CADM2: variants seen among roughly 807,000 people sequenced by gnomAD.
CADM2 encodes the protein immunoglobulin superfamily member 4D.
A neutral mutation model predicts 49.8 loss-of-function variants in CADM2; 12 were observed. The observed-to-expected ratio is 0.24, with a 90% CI of 0.15 to 0.39. The LOEUF (loss-of-function observed/expected upper bound fraction) is 0.39. Ranked by LOEUF, CADM2 falls within the 10% of genes least tolerant of loss-of-function variation. CADM2 has a pLI of 1.00. For missense variants in CADM2, 378 were observed against 492.3 expected (o/e 0.77, Z 2.20); for synonymous variants, 214 against 175.4 (o/e 1.22, Z -1.74).
rs779364419 is a variant in CADM2 at position 86,066,705 on chromosome 3, A to G, written c.1137A>G (p.Ala379=). The G allele has an allele frequency of 6.2e-7, 1 of 1,614,066 alleles. No homozygotes were observed. Among genetic ancestry groups the G allele is most frequent in the South Asian group, 1.1e-5 (1 of 91,084 alleles). ...ATGAAGCTAAAGGAGCTGAAGATGC[A>G]CCAGATGCTGATACAGCCATTATCA... The part of the protein sequence containing the change: ...LTNEAKGAED[A]PDADTAIINA... The change falls in exon 10 of 10, where the codon GCA becomes GCG. Residue 379 remains alanine, a synonymous_variant. Coordinates refer to ENST00000383699, the MANE Select transcript of CADM2 (RefSeq NM_001167675.2).
chr3:85,615,117 T>C, intron 1 of CADM2, among the ~76,000 whole-genome samples: 1 of 152,070 alleles, frequency 6.6e-6, no homozygotes, highest in Middle Eastern at 3.4e-3. Context: ...TCATACTCTT[T>C]ATTTATTTAT....
chr3:85,775,580 T>G (rs925245530), intron 2 of CADM2, among the ~76,000 whole-genome samples: 6 of 151,864 alleles, frequency 4.0e-5, no homozygotes, highest in African/African-American at 1.4e-4. Flanking sequence ...TAAACTGCTT[T>G]TTAAAAATTT....
At chr3:85,176,669 A>C (rs1379345173) in intron 1 of CADM2, among the ~76,000 whole-genome samples, 2 of 152,184 alleles carry the variant, frequency 1.3e-5, no homozygotes, top group Non-Finnish European at 2.9e-5. Context: ...TTACCCATCC[A>C]TAAAGAGAGA....
intron 1 of CADM2, among the ~76,000 whole-genome samples, chr3:85,129,459 A>G: frequency 6.6e-6 from 1 of 152,148 alleles, no homozygotes; most frequent in East Asian, 1.9e-4. Flanking sequence ...TCTTTCCTGT[A>G]ATTGACTAAA....
intron 6 of CADM2, among the ~76,000 whole-genome samples, 153 bp from the exon 7 acceptor site, chr3:85,935,614 A>G (rs1721112905): frequency 6.6e-6 from 1 of 152,092 alleles, no homozygotes; most frequent in African/African-American, 2.4e-5. Flanking sequence ...TAAATCACAC[A>G]CCTTATTTTA....
rs1399801836 is a variant in CADM2 at position 85,912,525 on chromosome 3, C to A, written c.682C>A (p.Gln228Lys). 1.9e-6 allele frequency: 3 copies of A among 1,613,460 alleles called. No individual in the cohort carries two copies. The highest frequency in any genetic ancestry group is 3.3e-5 in the Admixed American group (2 of 59,914). Residue 228 changes from glutamine (Q) to lysine (K), a missense_variant, in exon 6 of 10, where the codon CAG (glutamine) becomes AAG (lysine). Physicochemically the swap from Gln to Lys is moderately conservative, Grantham distance 53. Transcript: ENST00000383699. ...CAATGCCACCCCTCAGGTAGCCATG[C>A]AGGTGCTAGAAATACACTGTAAGTA... is the stretch of plus-strand genomic sequence containing the variant. The part of the protein sequence containing the change: ...SLNATPQVAM[Q>K]VLEIHYTPSV...
chr3:85,094,539 T>G (rs1314144174), intron 1 of CADM2, among the ~76,000 whole-genome samples: 2 of 152,148 alleles, frequency 1.3e-5, no homozygotes, highest in Non-Finnish European at 2.9e-5. Context: ...AATGAACACC[T>G]TAAAGGACAT....
At chr3:85,040,951 C>G (rs1023095117) in intron 1 of CADM2, among the ~76,000 whole-genome samples, 6 of 152,074 alleles carry the variant, frequency 3.9e-5, no homozygotes, top group Non-Finnish European at 8.8e-5. Context: ...GATTTAAATA[C>G]AGTATCATAT....
intron 1 of CADM2, among the ~76,000 whole-genome samples, chr3:84,961,258 C>T (rs1019006309): frequency 6.6e-6 from 1 of 151,954 alleles, no homozygotes; most frequent in African/African-American, 2.4e-5. Context: ...GACTGGGGAC[C>T]GAATTTTATT....
chr3:85,021,691 CT>C (rs1157839391), intron 1 of CADM2, among the ~76,000 whole-genome samples: 1 of 152,108 alleles, frequency 6.6e-6, no homozygotes, highest in Non-Finnish European at 1.5e-5. Context: ...AGGAGAATCG[CT>C]TGAACCCAGG....
At chr3:85,975,467 T>C (rs538350911) in intron 8 of CADM2, among the ~76,000 whole-genome samples, 136 of 151,612 alleles carry the variant, frequency 9.0e-4, no homozygotes, top group Non-Finnish European at 1.7e-3. Context: ...AAATTGAGTC[T>C]AAATAATTTA....
chr3:86,069,607 G>T lies in CADM2; in HGVS notation c.*2824G>T, dbSNP rs1739664812. 1 of 152,002 alleles carries T rather than the reference G, an allele frequency of 6.6e-6. No homozygotes were observed. Among genetic ancestry groups the T allele is most frequent in the Non-Finnish European group, 1.5e-5 (1 of 67,842 alleles). The allele number at this position is 152,002 out of a possible 1,614,324, so 9.4% of individuals were successfully genotyped here. On this transcript the variant is annotated 3_prime_UTR_variant, in exon 10 of 10. Coordinates refer to ENST00000383699, the MANE Select transcript of CADM2 (RefSeq NM_001167675.2). ...AAATGAGAATGATGTCAATTTCATTGTCTGGAACATGCACACTTGTGTGCA... is the reference window on the plus strand; with the variant it reads ...AAATGAGAATGATGTCAATTTCATTTTCTGGAACATGCACACTTGTGTGCA...
intron 1 of CADM2, among the ~76,000 whole-genome samples, chr3:85,334,333 A>G (rs1215991613): frequency 4.6e-5 from 7 of 151,576 alleles, no homozygotes; most frequent in Non-Finnish European, 7.4e-5. Context: ...TCAGGCTTAC[A>G]TCTAAAAAAT....
At chr3:85,148,421 A>T (rs1363625134) in intron 1 of CADM2, among the ~76,000 whole-genome samples, 1 of 152,244 alleles carries the variant, frequency 6.6e-6, no homozygotes, top group Non-Finnish European at 1.5e-5. Flanking sequence ...AATTTTCTGT[A>T]TACTACATTA....
intron 1 of CADM2, among the ~76,000 whole-genome samples, chr3:85,651,272 A>T (rs1170297193): frequency 6.6e-6 from 1 of 152,020 alleles, no homozygotes; most frequent in Non-Finnish European, 1.5e-5. Context: ...GCTATTCTTG[A>T]GTTTGTTGAT....
chr3:85,816,870 T>A (rs777739329), intron 3 of CADM2, among the ~76,000 whole-genome samples: 1 of 152,214 alleles, frequency 6.6e-6, no homozygotes, highest in Non-Finnish European at 1.5e-5. Context: ...TTTCTTCAGT[T>A]ATTTTTCTGT....
At chr3:85,953,863 G>A (rs1723738431) in intron 7 of CADM2, among the ~76,000 whole-genome samples, 1 of 150,792 alleles carries the variant, frequency 6.6e-6, no homozygotes, top group South Asian at 2.1e-4. Context: ...TCTCTTATCT[G>A]TCTTAAGATA....
intron 1 of CADM2, among the ~76,000 whole-genome samples, chr3:85,487,656 A>C (rs950453843): frequency 2.0e-5 from 3 of 151,844 alleles, no homozygotes; most frequent in Non-Finnish European, 4.4e-5. Flanking sequence ...GAGGAGGAGG[A>C]GGAGAAGGAG....
chr3:85,809,626 G>T (rs1270690837), intron 3 of CADM2, among the ~76,000 whole-genome samples: 2 of 151,696 alleles, frequency 1.3e-5, no homozygotes, highest in African/African-American at 4.8e-5. Flanking sequence ...TTCACTTTGT[G>T]TTTCATTATG....
Sources: gnomAD v4.1 joint callset for allele counts (sites outside exome capture counted in the v4.1 genomes callset) on GRCh38, gnomAD v4.1.1 for gene constraint, MANE v1.5 for transcripts, NCBI Gene and HGNC (gene_info 2026-07-23, HGNC 2026-07-21) for gene names.